Variants in THY1 observed in about 807,000 individuals in gnomAD.
THY1 encodes the protein Thy-1 cell surface antigen.
A neutral mutation model predicts 14.9 loss-of-function variants in THY1; 10 were observed. The observed-to-expected ratio is 0.67, with a 90% confidence interval of 0.41 to 1.14. The LOEUF (loss-of-function observed/expected upper bound fraction) is 1.14. Among genes scored for constraint, THY1 ranks in the 50% most tolerant of loss-of-function variants. The pLI, the probability that THY1 is intolerant of heterozygous loss-of-function variation, is 0.00. For synonymous variants in THY1, 80 were observed against 90.0 expected, an observed-to-expected ratio of 0.89 and a Z score of 0.63; for missense variants, 159 against 202.1, an observed-to-expected ratio of 0.79 and a Z score of 1.29.
Position 119,415,888 on chromosome 11 carries a change from G to C in THY1, c.*3520C>G. ...CTCCAGCTCCAACATTTTCTCACTA[G>C]TAAATGAGATGATTTACTCTTGACT... On this transcript the variant is annotated 3_prime_UTR_variant, in exon 4 of 4. Coordinates refer to ENST00000284240, the MANE Select transcript of THY1 (RefSeq NM_006288.5). 6.6e-6 allele frequency among the ~76,000 whole-genome samples: 1 copy of C among 150,508 alleles called. No homozygotes were observed. The highest frequency in any genetic ancestry group is 1.9e-4 in the East Asian group (1 of 5,194).
intron 3 of THY1, 25 bp from the exon 4 acceptor site, chr11:119,419,545 G>C: frequency 6.3e-7 from 1 of 1,594,014 alleles, no homozygotes; most frequent in Non-Finnish European, 8.6e-7. Context: ...GGGGGCCGGG[G>C]GCAGGGTAGG....
Position 119,423,152 on chromosome 11 carries a change from G to A in THY1, c.-64C>T, listed in dbSNP as rs776702435. ...TCCGCTGCTGCAGCCTCCTCCAGACGCGCCGCCGCCTCCGGTTGCTGCACC... is the reference window on the plus strand; with the variant it reads ...TCCGCTGCTGCAGCCTCCTCCAGACACGCCGCCGCCTCCGGTTGCTGCACC... On this transcript the variant is annotated 5_prime_UTR_variant, in exon 1 of 4. Coordinates refer to ENST00000284240, the MANE Select transcript of THY1 (RefSeq NM_006288.5). 2 of 455,930 alleles carry A rather than the reference G, an allele frequency of 4.4e-6. No homozygotes were observed. Among genetic ancestry groups the A allele is most frequent in the South Asian group, 1.5e-5 (1 of 64,548 alleles). The allele number at this position is 455,930 out of a possible 1,614,324, so 28.2% of individuals were successfully genotyped here.
At position 119,420,153 on chromosome 11, in the gene THY1, A is replaced by G. The variant is rs1159274384; in HGVS notation, c.271T>C (p.Leu91=). 1 of 1,614,234 alleles carries G rather than the reference A, an allele frequency of 6.2e-7. No homozygotes were observed. Among genetic ancestry groups the G allele is most frequent in the Non-Finnish European group, 8.5e-7 (1 of 1,180,046 alleles). The change falls in exon 3 of 4, where the codon TTA becomes CTA. Residue 91 remains leucine, a synonymous_variant. Transcript: ENST00000284240. Reference sequence around the variant, plus strand: ...TCGTCCTTGCTAGTGAAGGCGGATAAGTAGAGGACCTTCATGTTGTATTTG... The same window carrying G: ...TCGTCCTTGCTAGTGAAGGCGGATAGGTAGAGGACCTTCATGTTGTATTTG... ...TSKYNMKVLY[L]SAFTSKDEGT... is the part of the protein sequence containing the mutation.
Position 119,420,116 on chromosome 11 carries a change from G to A in THY1, c.308C>T (p.Thr103Met), listed in dbSNP as rs45441500. Residue 103 changes from threonine to methionine, a missense_variant, in exon 3 of 4, where the codon ACG becomes ATG. Transcript: ENST00000284240. ...AFTSKDEGTY[T>M]CALHHSGHSP... ...ATGGCCAGAGTGGTGGAGTGCACAC[G>A]TGTAGGTGCCCTCGTCCTTGCTAGT... 7.7e-5 allele frequency: 124 copies of A among 1,614,144 alleles called. No individual in the cohort carries two copies. The highest frequency in any genetic ancestry group is 9.9e-5 in the Non-Finnish European group (117 of 1,180,058).
At chr11:119,423,184 G>C (rs1565327477), upstream of THY1, 6 of 455,168 alleles carry the variant, frequency 1.3e-5, no homozygotes, top group Admixed American at 1.2e-4. Context: ...CACCCAGCTC[G>C]GAGCCCGCAG....
chr11:119,419,870 C>T (rs1348648932), intron 3 of THY1, 181 bp downstream of exon 3: 4 of 709,424 alleles, frequency 5.6e-6, no homozygotes, highest in Non-Finnish European at 9.2e-6. Flanking sequence ...GCCTGTCTGG[C>T]CCTGAGCTCT....
At position 119,419,125 on chromosome 11, in the gene THY1, C is replaced by T. The variant is rs754148684; in HGVS notation, c.*283G>A. The T allele has an allele frequency of 7.4e-6, 3 of 406,692 alleles. No homozygotes were observed. The highest frequency in any genetic ancestry group is 2.1e-5 in the African/African-American group (1 of 48,546). The allele number at this position is 406,692 out of a possible 1,614,324, so 25.2% of individuals were successfully genotyped here. A position where few individuals can be genotyped will look rare whatever the true frequency, so the allele number is the denominator to read the frequency against. On this transcript the variant is annotated 3_prime_UTR_variant, in exon 4 of 4. Transcript: ENST00000284240. ...TCCCCAATCCTGGCTTCCCTCTTCA[C>T]GAACTCTCAAAGAAAAGGAAGGATA...
chr11:119,423,007 C>T, intron 1 of THY1, 106 bp downstream of exon 1: 1 of 455,788 alleles, frequency 2.2e-6, no homozygotes. Context: ...CGCCCTTCTT[C>T]CCTGGGCGCC....
rs778627164 is a variant in THY1 at position 119,420,390 on chromosome 11, G to A, written c.38-4C>T. On this transcript the variant is annotated splice_polypyrimidine_tract_variant and splice_region_variant and intron_variant, in intron 2 of 3. Transcript: ENST00000284240. Reference sequence around the variant, plus strand: ...TGCCCTCGGGAGACCTGCAAGACTGGCACCAGCAGTGCCTCCTTCAAACTG... The same window carrying A: ...TGCCCTCGGGAGACCTGCAAGACTGACACCAGCAGTGCCTCCTTCAAACTG... 1.2e-6 allele frequency: 2 copies of A among 1,604,080 alleles called. No homozygotes were observed. Among genetic ancestry groups the A allele is most frequent in the Admixed American group, 1.7e-5 (1 of 59,586 alleles).
intron 3 of THY1, chr11:119,419,768 G>C (rs1861859625): frequency 1.7e-6 from 1 of 598,056 alleles, no homozygotes; most frequent in East Asian, 2.8e-5. Flanking sequence ...CTGGCTGAGG[G>C]AGGTGGTGTC....
Position 119,420,150 on chromosome 11 carries a change from A to C in THY1, c.274T>G (p.Ser92Ala). The C allele has an allele frequency of 1.2e-6, 2 of 1,614,248 alleles. No homozygotes were observed. The highest frequency in any genetic ancestry group is 1.7e-6 in the Non-Finnish European group (2 of 1,180,042). Reference sequence around the variant, plus strand: ...CCCTCGTCCTTGCTAGTGAAGGCGGATAAGTAGAGGACCTTCATGTTGTAT... The same window carrying C: ...CCCTCGTCCTTGCTAGTGAAGGCGGCTAAGTAGAGGACCTTCATGTTGTAT... ...SKYNMKVLYLSAFTSKDEGTY... is the reference protein window; with the variant it reads ...SKYNMKVLYLAAFTSKDEGTY... The change falls in exon 3 of 4, where the codon TCC becomes GCC. Residue 92 changes from serine to alanine, a missense_variant. By Grantham distance (99) the Ser-to-Ala change is moderately conservative. Coordinates refer to ENST00000284240, the MANE Select transcript of THY1 (RefSeq NM_006288.5).
chr11:119,423,258 G>C, upstream of THY1: 1 of 409,262 alleles, frequency 2.4e-6, no homozygotes, highest in South Asian at 1.6e-5. Flanking sequence ...CAGAGGCGGA[G>C]ATTGGGGGAG....
Position 119,420,893 on chromosome 11 carries a change from T to C in THY1, c.13A>G (p.Ile5Val). The change falls in exon 2 of 4, where the codon ATC becomes GTC. Residue 5 changes from isoleucine (I) to valine (V), a missense_variant. Coordinates refer to ENST00000284240, the MANE Select transcript of THY1 (RefSeq NM_006288.5). ...CCTGTTAGCAGGAGAGCGATGCTGA[T>C]GGCCAGGTTCATGGTTCTGGGATCT... MNLA[I>V]SIALLLTVLQ... The C allele has an allele frequency of 1.2e-6, 2 of 1,614,108 alleles. No homozygotes were observed. The highest frequency in any genetic ancestry group is 8.5e-7 in the Non-Finnish European group (1 of 1,179,990).
chr11:119,418,881 C>T lies in THY1; in HGVS notation c.*527G>A. 1 of 169,862 alleles carries T rather than the reference C, an allele frequency of 5.9e-6. No homozygotes were observed. Among genetic ancestry groups the T allele is most frequent in the Non-Finnish European group, 1.3e-5 (1 of 78,530 alleles). 10.5% of individuals were successfully genotyped at this position (169,862 alleles called of 1,614,324 possible). On this transcript the variant is annotated 3_prime_UTR_variant, in exon 4 of 4. Coordinates refer to ENST00000284240, the MANE Select transcript of THY1 (RefSeq NM_006288.5). ...TCCCTCACAAGGTAGGCCACAAATTCTTGGTGGTGCCCTCACATCTGGGGT... is the reference window on the plus strand; with the variant it reads ...TCCCTCACAAGGTAGGCCACAAATTTTTGGTGGTGCCCTCACATCTGGGGT...
chr11:119,423,920 C>G (rs1376811931), upstream of THY1: 1 of 152,422 alleles, frequency 6.6e-6, no homozygotes, highest in Non-Finnish European at 1.5e-5. Context: ...GGTCTTCAGA[C>G]CAGGAAGGGA....
rs1861864983 is a variant in THY1, at chr11:119,420,051, C to T, written c.373G>A (p.Asp125Asn). Residue 125 changes from aspartate to asparagine, a missense_variant and splice_region_variant, in exon 3 of 4, where the codon GAC becomes AAC. Asp to Asn is a conservative substitution (Grantham distance 23). Coordinates refer to ENST00000284240, the MANE Select transcript of THY1 (RefSeq NM_006288.5). ...ISSQNVTVLR[D>N]KLVKCEGISL... ...TGACCTTGTTAGGGGCTTGTCTCAC[C>T]TCTGAGCACTGTGACGTTCTGGGAG... 6.2e-7 allele frequency: 1 copy of T among 1,610,428 alleles called. No homozygotes were observed. The highest frequency in any genetic ancestry group is 8.5e-7 in the Non-Finnish European group (1 of 1,178,142).
rs1027676762 is a variant in THY1, at chr11:119,417,897, G to A, written c.*1511C>T. On this transcript the variant is annotated 3_prime_UTR_variant, in exon 4 of 4. Coordinates refer to ENST00000284240, the MANE Select transcript of THY1 (RefSeq NM_006288.5). ...GTGCATTCCAGAGCCAGGGCCATGT[G>A]GTTCGGCCCACATGTTGGCAGTAAG... The A allele has an allele frequency of 6.6e-6, 1 of 152,320 alleles. No homozygotes were observed. Among genetic ancestry groups the A allele is most frequent in the Non-Finnish European group, 1.5e-5 (1 of 68,094 alleles). 9.4% of individuals were successfully genotyped at this position (152,320 alleles called of 1,614,324 possible).
rs761147621 is a variant in THY1 at position 119,419,304 on chromosome 11, C to T, written c.*104G>A. The T allele has an allele frequency of 3.7e-6, 4 of 1,077,496 alleles. No homozygotes were observed. The highest frequency in any genetic ancestry group is 4.2e-6 in the Non-Finnish European group (3 of 714,662). The allele number at this position is 1,077,496 out of a possible 1,614,324, so 66.7% of individuals were successfully genotyped here. On this transcript the variant is annotated 3_prime_UTR_variant, in exon 4 of 4. Coordinates refer to ENST00000284240, the MANE Select transcript of THY1 (RefSeq NM_006288.5). ...GATGAGGGGTGGGGTCCCCACTTCTCCTCAAGGTTTGAGGGATTGGGGGGA... is the reference window on the plus strand; with the variant it reads ...GATGAGGGGTGGGGTCCCCACTTCTTCTCAAGGTTTGAGGGATTGGGGGGA...
upstream of THY1, among the ~76,000 whole-genome samples, chr11:119,424,572 C>A (rs535415992): frequency 7.2e-5 from 11 of 152,212 alleles, no homozygotes; most frequent in African/African-American, 2.6e-4. Flanking sequence ...CTGGAATGAG[C>A]CTTGCAGATG....
Sources: allele counts gnomAD v4.1 joint callset (sites outside exome capture counted in the v4.1 genomes callset), GRCh38; gene constraint gnomAD v4.1.1; transcripts MANE v1.5; gene names NCBI Gene and HGNC (gene_info 2026-07-23, HGNC 2026-07-21).